The following POLD3 variants were observed in gnomAD, a reference collection of about 807,000 sequenced individuals.
POLD3 encodes DNA polymerase delta 3, accessory subunit.
In POLD3, 19 loss-of-function variants were observed where a neutral mutation model predicts 58.2. The observed-to-expected ratio is 0.33, with a 90% confidence interval of 0.23 to 0.48. The LOEUF is 0.48. Among genes scored for constraint, POLD3 ranks in the 20% least tolerant of loss-of-function variants. The pLI is 0.99. For missense variants in POLD3, 504 were observed against 545.5 expected, an observed-to-expected ratio of 0.92 and a Z score of 0.76; for synonymous variants, 172 against 193.5, an observed-to-expected ratio of 0.89 and a Z score of 0.92.
intron 10 of POLD3, among the ~76,000 whole-genome samples, chr11:74,635,544 T>C (rs986203875): frequency 2.0e-5 from 3 of 152,130 alleles, no homozygotes; most frequent in African/African-American, 7.2e-5. Flanking sequence ...CTGGGCATGG[T>C]GGCACATGCC....
intron 2 of POLD3, chr11:74,604,491 C>T (rs574290655): frequency 3.8e-6 from 2 of 528,302 alleles, no homozygotes. Flanking sequence ...CAGCTCCAAA[C>T]ACATGGACTC....
At chr11:74,614,851 T>C (rs2032034972) in intron 5 of POLD3, among the ~76,000 whole-genome samples, 2 of 152,038 alleles carry the variant, frequency 1.3e-5, no homozygotes, top group Non-Finnish European at 2.9e-5. Flanking sequence ...AGAAGGGGAA[T>C]ATAACAGGAG....
chr11:74,667,788 G>A (rs2033290471), intron 4 of POLD3, among the ~76,000 whole-genome samples: 1 of 152,136 alleles, frequency 6.6e-6, no homozygotes, highest in South Asian at 2.1e-4. Flanking sequence ...ACAACCCACA[G>A]AAAGGGCGAA....
At chr11:74,630,240 T>G (rs2032551812) in intron 9 of POLD3, among the ~76,000 whole-genome samples, 1 of 152,138 alleles carries the variant, frequency 6.6e-6, no homozygotes, top group Admixed American at 6.5e-5. Context: ...AAGATTCTGC[T>G]TTTTCCAGAA....
chr11:74,661,566 G>T (rs1031549677), intron 4 of POLD3, among the ~76,000 whole-genome samples: 1 of 152,158 alleles, frequency 6.6e-6, no homozygotes, highest in Non-Finnish European at 1.5e-5. Context: ...GTGCTGAGCC[G>T]CCTGGAGCTG....
At chr11:74,649,073 T>G (rs1246401328) in intron 4 of POLD3, among the ~76,000 whole-genome samples, 2 of 152,102 alleles carry the variant, frequency 1.3e-5, no homozygotes, top group African/African-American at 2.4e-5. Context: ...GGAGATGGGA[T>G]TGGTTCCACG....
intron 2 of POLD3, among the ~76,000 whole-genome samples, chr11:74,597,568 C>A (rs1182808066): frequency 6.6e-6 from 1 of 152,212 alleles, no homozygotes; most frequent in East Asian, 1.9e-4. Flanking sequence ...TCAAGTGATT[C>A]TCCCTCCTCA....
At chr11:74,594,216 T>C in intron 2 of POLD3, 100 bp downstream of exon 2, 1 of 729,882 alleles carries the variant, frequency 1.4e-6, no homozygotes, top group East Asian at 2.5e-5. Context: ...AGATTAGAGC[T>C]AATTTGGTTT....
chr11:74,604,666 C>G (rs758513998), intron 2 of POLD3, 26 bp from the exon 3 acceptor site: 2 of 1,220,908 alleles, frequency 1.6e-6, no homozygotes, highest in Non-Finnish European at 2.4e-6. Flanking sequence ...TGATGTCTTA[C>G]TTGTGCCTTC....
chr11:74,643,873 C>T (rs1326982039), downstream of POLD3, among the ~76,000 whole-genome samples: 1 of 152,108 alleles, frequency 6.6e-6, no homozygotes, highest in Non-Finnish European at 1.5e-5. Flanking sequence ...AAAATTCTAG[C>T]GGGATTAAAG....
At chr11:74,614,413 CA>C (rs2032014120) in intron 5 of POLD3, among the ~76,000 whole-genome samples, 1 of 151,958 alleles carries the variant, frequency 6.6e-6, no homozygotes, top group South Asian at 2.1e-4. Flanking sequence ...TCATGACCAT[CA>C]AAAAACCTCA....
At chr11:74,658,016 A>G (rs538939641) in intron 4 of POLD3, among the ~76,000 whole-genome samples, 47 of 152,256 alleles carry the variant, frequency 3.1e-4, no homozygotes, top group Admixed American at 6.5e-4. Context: ...AGTTAAATCT[A>G]TTTGGTGTTC....
intron 5 of POLD3, among the ~76,000 whole-genome samples, chr11:74,614,937 T>A (rs2032037959): frequency 6.6e-6 from 1 of 152,016 alleles, no homozygotes; most frequent in Non-Finnish European, 1.5e-5. Context: ...TTGTGAGAAA[T>A]CCAAGTGAGG....
At chr11:74,595,917 C>T (rs996757059) in intron 2 of POLD3, among the ~76,000 whole-genome samples, 1 of 152,038 alleles carries the variant, frequency 6.6e-6, no homozygotes, top group Non-Finnish European at 1.5e-5. Context: ...AGCCACCATG[C>T]CTGGCCCATG....
intron 5 of POLD3, among the ~76,000 whole-genome samples, chr11:74,613,746 T>C (rs1275848666): frequency 6.6e-6 from 1 of 152,224 alleles, no homozygotes; most frequent in Non-Finnish European, 1.5e-5. Flanking sequence ...TGAGTACCTA[T>C]GACATACCAT....
intron 6 of POLD3, 32 bp downstream of exon 6, chr11:74,618,836 C>T: frequency 6.3e-7 from 1 of 1,577,078 alleles, no homozygotes. Context: ...CCCTTCATTG[C>T]AGCTCAGAGT....
intron 10 of POLD3, 108 bp from the exon 11 acceptor site, chr11:74,636,089 T>TA: frequency 1.9e-6 from 2 of 1,059,114 alleles, no homozygotes; most frequent in South Asian, 3.3e-5. Flanking sequence ...TTCAACTTTT[T>TA]ATCATAATGG....
At chr11:74,651,824 A>G (rs2033072506) in intron 4 of POLD3, among the ~76,000 whole-genome samples, 1 of 152,220 alleles carries the variant, frequency 6.6e-6, no homozygotes, top group Non-Finnish European at 1.5e-5. Flanking sequence ...CTTGTCGGCT[A>G]TGGTAAGGAT....
chr11:74,603,540 A>G (rs1489512162), intron 2 of POLD3, among the ~76,000 whole-genome samples: 1 of 152,182 alleles, frequency 6.6e-6, no homozygotes, highest in Non-Finnish European at 1.5e-5. Flanking sequence ...TCCACATCCC[A>G]AGAAACCCCT....
Sources: gnomAD v4.1 joint callset for allele counts (sites outside exome capture counted in the v4.1 genomes callset) on GRCh38, gnomAD v4.1.1 for gene constraint, MANE v1.5 for transcripts, NCBI Gene and HGNC (gene_info 2026-07-23, HGNC 2026-07-21) for gene names.